The following SEL1L2 variants were observed in gnomAD, a reference collection of about 807,000 sequenced individuals.
SEL1L2 encodes SEL1L2 adaptor subunit of SYVN1 ubiquitin ligase.
Under a neutral mutation model 98.8 loss-of-function variants are expected in SEL1L2, and 89 were observed. The ratio of observed to expected loss-of-function variants is 0.90; its 90% CI spans 0.76 to 1.07. The LOEUF is 1.07. Among genes scored for constraint, SEL1L2 ranks in the 50% least tolerant of loss-of-function variants. The pLI, the probability that SEL1L2 is intolerant of heterozygous loss-of-function variation, is 0.00. For missense variants in SEL1L2, 788 were observed against 812.0 expected, an observed-to-expected ratio of 0.97 and a Z score of 0.36; for synonymous variants, 262 against 278.5, an observed-to-expected ratio of 0.94 and a Z score of 0.59.
intron 1 of SEL1L2, among the ~76,000 whole-genome samples, chr20:13,960,222 G>A (rs2050718153): frequency 6.6e-6 from 1 of 152,168 alleles, no homozygotes; most frequent in South Asian, 2.1e-4. Flanking sequence ...AGACACAGAA[G>A]TACAAACTGT....
chr20:13,868,154 T>C (rs529625116), intron 14 of SEL1L2, among the ~76,000 whole-genome samples: 2 of 151,992 alleles, frequency 1.3e-5, no homozygotes, highest in Non-Finnish European at 2.9e-5. Context: ...TACTAGATCA[T>C]TGAAGAAAAC....
intron 5 of SEL1L2, among the ~76,000 whole-genome samples, chr20:13,901,095 G>T: frequency 7.2e-6 from 1 of 138,750 alleles, no homozygotes; most frequent in Non-Finnish European, 1.5e-5. Context: ...TTTTGAGACG[G>T]AGTCTTGCTC....
chr20:13,994,092 CAAGACCAGCCTGGCCAACACGGTG>C (rs1438198510), upstream of SEL1L2, among the ~76,000 whole-genome samples: 22 of 151,934 alleles, frequency 1.4e-4, no homozygotes, highest in African/African-American at 5.3e-4. Flanking sequence ...GTCAGGAGGT[CAAGACCAGCCTGGCCAACACGGTG>C]AAAACCCATG....
chr20:13,969,438 T>C (rs1257757240), intron 1 of SEL1L2, among the ~76,000 whole-genome samples: 10 of 152,198 alleles, frequency 6.6e-5, no homozygotes, highest in African/African-American at 2.2e-4. Context: ...CAGTCGTGGG[T>C]GGGGAGTGGG....
At chr20:13,907,700 C>CTTTT (rs1328913961) in intron 5 of SEL1L2, among the ~76,000 whole-genome samples, 2 of 125,656 alleles carry the variant, frequency 1.6e-5, no homozygotes, top group South Asian at 5.3e-4. Context: ...TTCTTTCTTT[C>CTTTT]TCTTTCTTTC....
intron 1 of SEL1L2, chr20:13,973,335 CA>C (rs2051371628): frequency 6.6e-6 from 1 of 152,174 alleles, no homozygotes; most frequent in South Asian, 2.1e-4. Flanking sequence ...GAATGCTTCA[CA>C]AATTTGTGAG....
At chr20:13,885,129 G>A (rs954811625) in intron 10 of SEL1L2, among the ~76,000 whole-genome samples, 1 of 152,128 alleles carries the variant, frequency 6.6e-6, no homozygotes, top group East Asian at 1.9e-4. Flanking sequence ...CTCCTCAGAA[G>A]TCCCTTCCCC....
chr20:13,875,994 G>T, intron 12 of SEL1L2, 44 bp downstream of exon 12: 1 of 1,449,184 alleles, frequency 6.9e-7, no homozygotes, highest in Non-Finnish European at 9.7e-7. Flanking sequence ...TGTAATAAAA[G>T]CAATTTGTGT....
chr20:13,860,380 A>C (rs1320994140), intron 17 of SEL1L2, among the ~76,000 whole-genome samples: 2 of 152,138 alleles, frequency 1.3e-5, no homozygotes, highest in Non-Finnish European at 2.9e-5. Flanking sequence ...TTGCCCGTGA[A>C]GCTGCTATTT....
intron 5 of SEL1L2, among the ~76,000 whole-genome samples, chr20:13,895,221 T>C (rs543825407): frequency 1.3e-5 from 2 of 152,282 alleles, no homozygotes; most frequent in East Asian, 1.9e-4. Context: ...AGTGGGCAGA[T>C]TGCATGAGCT....
Position 13,970,000 on chromosome 20 carries a change from A to G in SEL1L2, c.59-13869T>C, listed in dbSNP as rs372571637. ...TGAATTTTATTCTACGGATTGTAAGATCTCTGAAGAAAGTGCTCCATCCTC... is the reference window on the plus strand; with the variant it reads ...TGAATTTTATTCTACGGATTGTAAGGTCTCTGAAGAAAGTGCTCCATCCTC... On this transcript the variant is annotated intron_variant, in intron 1 of 19. Coordinates refer to ENST00000284951, the MANE Select transcript of SEL1L2 (RefSeq NM_025229.2). Among the ~76,000 whole-genome samples, 26 of 149,394 alleles carry G rather than the reference A, an allele frequency of 1.7e-4. No homozygotes were observed. In the South Asian group the frequency reaches 5.5e-3, roughly 32 times the overall value.
chr20:13,965,352 G>T (rs1166684543), intron 1 of SEL1L2, among the ~76,000 whole-genome samples: 1 of 152,140 alleles, frequency 6.6e-6, no homozygotes, highest in Non-Finnish European at 1.5e-5. Context: ...GGGAATAAAT[G>T]ACTAGAAGTG....
intron 1 of SEL1L2, among the ~76,000 whole-genome samples, chr20:13,981,073 T>C (rs990232750): frequency 1.3e-5 from 2 of 152,096 alleles, no homozygotes; most frequent in Admixed American, 6.6e-5. Context: ...TGAAACCCCG[T>C]CTCTACTAAA....
chr20:13,933,486 A>G (rs1034373681), intron 2 of SEL1L2, among the ~76,000 whole-genome samples: 1 of 152,072 alleles, frequency 6.6e-6, no homozygotes, highest in Non-Finnish European at 1.5e-5. Context: ...AGATTTCTCT[A>G]TTGCGGACAT....
chr20:13,876,149 C>T lies in SEL1L2; in HGVS notation c.1027-34G>A, dbSNP rs779106486. The T allele has an allele frequency of 4.1e-6, 6 of 1,470,688 alleles. No homozygotes were observed. The Admixed American group carries it at 1.0e-4, about 25-fold the overall frequency. 91.1% of individuals were successfully genotyped at this position (1,470,688 alleles called of 1,614,324 possible). On this transcript the variant is annotated intron_variant, in intron 11 of 19. Transcript: ENST00000284951. ...AAAAATGAAAAGAGGATAGAAAAAA[C>T]AAAATAATTTGAGAGTAATGCAAAT...
intron 1 of SEL1L2, among the ~76,000 whole-genome samples, chr20:13,973,957 G>A (rs2051403495): frequency 6.6e-6 from 1 of 152,132 alleles, no homozygotes; most frequent in South Asian, 2.1e-4. Flanking sequence ...AAGTCCTGCT[G>A]ATCCCTGGAC....
intron 3 of SEL1L2, among the ~76,000 whole-genome samples, chr20:13,919,854 C>T (rs188004760): frequency 6.5e-4 from 97 of 149,500 alleles, no homozygotes; most frequent in Middle Eastern, 3.4e-3. Flanking sequence ...GAACCTGGGA[C>T]GCGGAGGTTG....
intron 14 of SEL1L2, among the ~76,000 whole-genome samples, chr20:13,867,927 G>A (rs1008111583): frequency 3.9e-5 from 6 of 152,042 alleles, no homozygotes; most frequent in African/African-American, 1.2e-4. Flanking sequence ...CCCCTTGACC[G>A]GATGTGACCT....
chr20:13,934,417 C>A (rs1600816300), intron 2 of SEL1L2, among the ~76,000 whole-genome samples: 1 of 50,852 alleles, frequency 2.0e-5, no homozygotes, highest in Non-Finnish European at 4.0e-5. Flanking sequence ...TATATATATT[C>A]CATATATATA....
Sources: gnomAD v4.1 joint callset for allele counts (sites outside exome capture counted in the v4.1 genomes callset) on GRCh38, gnomAD v4.1.1 for gene constraint, MANE v1.5 for transcripts, NCBI Gene and HGNC (gene_info 2026-07-23, HGNC 2026-07-21) for gene names.